The following TCEA3 variants were observed in gnomAD, a reference collection of about 807,000 sequenced individuals.
TCEA3 encodes the protein transcription elongation factor A protein 3.
TCEA3 carries 36 observed loss-of-function variants against 44.0 expected under a neutral mutation model. That is an observed-to-expected ratio of 0.82 (90% CI 0.63 to 1.08). The LOEUF is 1.08. Among genes scored for constraint, TCEA3 ranks in the 50% least tolerant of loss-of-function variants. The pLI, the probability that TCEA3 is intolerant of heterozygous loss-of-function variation, is 0.00. For synonymous variants in TCEA3, 162 were observed against 159.7 expected (o/e 1.01, Z -0.11); for missense variants, 392 against 441.2 (o/e 0.89, Z 1.00).
chr1:23,410,594 G>C (rs1558060993), intron 4 of TCEA3, among the ~76,000 whole-genome samples: 2 of 151,932 alleles, frequency 1.3e-5, no homozygotes, highest in South Asian at 2.1e-4. Context: ...CTTGAGTCAG[G>C]AGTTCAAAAC....
chr1:23,393,458 G>A (rs1022547941), intron 8 of TCEA3, among the ~76,000 whole-genome samples: 5 of 151,488 alleles, frequency 3.3e-5, no homozygotes, highest in African/African-American at 1.2e-4. Flanking sequence ...CACATCATAC[G>A]TACCACATAG....
intron 10 of TCEA3, chr1:23,383,325 G>T: frequency 1.7e-5 from 12 of 695,904 alleles, no homozygotes; most frequent in Non-Finnish European, 2.1e-5. Flanking sequence ...GGAAGTCGGA[G>T]CATCGGCTTT....
chr1:23,410,414 T>A (rs940571927), intron 4 of TCEA3, among the ~76,000 whole-genome samples: 2 of 152,058 alleles, frequency 1.3e-5, no homozygotes, highest in Non-Finnish European at 2.9e-5. Context: ...CATAAAAAAA[T>A]GCTTAGAATA....
At chr1:23,386,941 C>T (rs1156725500) in intron 9 of TCEA3, among the ~76,000 whole-genome samples, 1 of 152,032 alleles carries the variant, frequency 6.6e-6, no homozygotes, top group Non-Finnish European at 1.5e-5. Context: ...AGGATGGTCT[C>T]AATCTCCTGA....
In TCEA3 at chr1:23,387,421, T is replaced by C; in HGVS notation, c.820-2A>G. 2 of 1,594,668 alleles carry C rather than the reference T, an allele frequency of 1.3e-6. No individual in the cohort carries two copies. The highest frequency in any genetic ancestry group is 1.7e-6 in the Non-Finnish European group (2 of 1,170,450). ...CCTCAGTTCATCACTGGCCATTTCC[T>C]GGAGAAAAAAGAGTCTACCCTTCAG... On this transcript the variant is annotated splice_acceptor_variant, in intron 8 of 10. Coordinates refer to ENST00000450454, the MANE Select transcript of TCEA3 (RefSeq NM_003196.3). LOFTEE classifies it high-confidence loss of function.
Position 23,416,885 on chromosome 1 carries a change from C to T in TCEA3, c.380+364G>A, listed in dbSNP as rs6669471. Among the ~76,000 whole-genome samples the T allele has an allele frequency of 3.8e-3, 573 of 152,294 alleles. 4 individuals carry two copies. The highest frequency in any genetic ancestry group is 0.013 in the African/African-American group (529 of 41,564). ...AGATTCGGGATGTGAGGCTTATACC[C>T]GCTGTGGTCTTGTTTCCCCGCACCT... On this transcript the variant is annotated intron_variant, in intron 4 of 10. Transcript: ENST00000450454.
At chr1:23,382,940 A>C (rs1638705738) in intron 10 of TCEA3, among the ~76,000 whole-genome samples, 1 of 152,268 alleles carries the variant, frequency 6.6e-6, no homozygotes, top group Admixed American at 6.5e-5. Context: ...AAAATATGGC[A>C]GTTCTAATGA....
intron 5 of TCEA3, among the ~76,000 whole-genome samples, chr1:23,402,501 A>C (rs1028436307): frequency 6.6e-6 from 1 of 151,874 alleles, no homozygotes; most frequent in East Asian, 1.9e-4. Flanking sequence ...AAACATACCC[A>C]TCCCTCCCAC....
intron 5 of TCEA3, among the ~76,000 whole-genome samples, chr1:23,399,699 ACT>A (rs1410385161): frequency 7.1e-6 from 1 of 140,332 alleles, no homozygotes; most frequent in Non-Finnish European, 1.5e-5. Context: ...AGGGTGTCTC[ACT>A]CTGTCATCCA....
In TCEA3 at chr1:23,424,724, C is replaced by G. The variant is rs1468886899; in HGVS notation, c.-91G>C. The G allele has an allele frequency of 3.1e-6, 3 of 969,278 alleles. No homozygotes were observed. Among genetic ancestry groups the G allele is most frequent in the Non-Finnish European group, 1.6e-6 (1 of 644,272 alleles). 60.0% of individuals were successfully genotyped at this position (969,278 alleles called of 1,614,324 possible). ...GCGCGAAGGCGGAGGGCGCGCAACC[C>G]GCGCGGGCCCCAAACACACACGACA... On this transcript the variant is annotated 5_prime_UTR_variant, in exon 1 of 11. Coordinates refer to ENST00000450454, the MANE Select transcript of TCEA3 (RefSeq NM_003196.3).
intron 5 of TCEA3, among the ~76,000 whole-genome samples, chr1:23,402,531 C>T (rs1639429520): frequency 6.6e-6 from 1 of 152,154 alleles, no homozygotes; most frequent in African/African-American, 2.4e-5. Context: ...TTTGCACAGG[C>T]TGGTCTTCCT....
chr1:23,398,916 G>A (rs1003599396), intron 5 of TCEA3, among the ~76,000 whole-genome samples: 5 of 151,472 alleles, frequency 3.3e-5, no homozygotes, highest in East Asian at 1.9e-4. Flanking sequence ...ACAGGAGCAC[G>A]CCATCATGCC....
At chr1:23,416,471 A>G (rs1639892320) in intron 4 of TCEA3, among the ~76,000 whole-genome samples, 1 of 151,976 alleles carries the variant, frequency 6.6e-6, no homozygotes, top group Non-Finnish European at 1.5e-5. Flanking sequence ...GATCCTTTTA[A>G]TTTATAATAT....
At chr1:23,421,850 G>A (rs143963230) in intron 1 of TCEA3, among the ~76,000 whole-genome samples, 78 of 152,274 alleles carry the variant, frequency 5.1e-4, no homozygotes, top group African/African-American at 1.7e-3. Context: ...TCCTGAAAAC[G>A]CAACAATCTG....
At chr1:23,383,268 A>G (rs1638723565) in intron 10 of TCEA3, among the ~76,000 whole-genome samples, 1 of 125,840 alleles carries the variant, frequency 7.9e-6, no homozygotes, top group African/African-American at 2.9e-5. Context: ...CAACAGAGCG[A>G]GACTCCATCT....
At position 23,424,571 on chromosome 1, in the gene TCEA3, C is replaced by G; in HGVS notation, c.63G>C (p.Lys21Asn). The G allele has an allele frequency of 1.2e-6, 2 of 1,607,972 alleles. No individual in the cohort carries two copies. Among genetic ancestry groups the G allele is most frequent in the Non-Finnish European group, 1.7e-6 (2 of 1,178,912 alleles). Reference sequence around the variant, plus strand: ...CCAAACTCTGCAGCCTCACCGTGTTCTTCCTGGCCACCATCTTCTCCAGCT... The same window carrying G: ...CCAAACTCTGCAGCCTCACCGTGTTGTTCCTGGCCACCATCTTCTCCAGCT... ...AKKLEKMVAR[K>N]NTEGALDLLK... Residue 21 changes from lysine to asparagine, a missense_variant, in exon 1 of 11, where the codon AAG becomes AAC. Coordinates refer to ENST00000450454, the MANE Select transcript of TCEA3 (RefSeq NM_003196.3).
chr1:23,413,462 C>T (rs12057483), intron 4 of TCEA3, among the ~76,000 whole-genome samples: 4,991 of 149,240 alleles, frequency 0.033, 240 homozygotes, highest in African/African-American at 0.11. Flanking sequence ...AAGACAGAAT[C>T]TCGCTCTGTC....
intron 7 of TCEA3, among the ~76,000 whole-genome samples, chr1:23,396,521 G>A (rs923376160): frequency 6.6e-6 from 1 of 152,062 alleles, no homozygotes; most frequent in Non-Finnish European, 1.5e-5. Context: ...GGGGCACATG[G>A]AAAGGATTCA....
At chr1:23,383,855 G>A (rs947175406) in intron 10 of TCEA3, 18 of 988,792 alleles carry the variant, frequency 1.8e-5, no homozygotes, top group Non-Finnish European at 2.0e-5. Flanking sequence ...TACAGACTTG[G>A]GTAAGACTTT....
Sources: gnomAD v4.1 joint callset for allele counts (sites outside exome capture counted in the v4.1 genomes callset) on GRCh38, gnomAD v4.1.1 for gene constraint, MANE v1.5 for transcripts, NCBI Gene and HGNC (gene_info 2026-07-23, HGNC 2026-07-21) for gene names.